The following NEIL3 variants were observed in gnomAD, a reference collection of about 807,000 sequenced individuals.
NEIL3 encodes the protein nei like DNA glycosylase 3, also known as endonuclease 8-like 3.
NEIL3 carries 48 observed loss-of-function variants against 57.5 expected under a neutral mutation model. The observed-to-expected ratio is 0.83, with a 90% CI of 0.66 to 1.06. The LOEUF (loss-of-function observed/expected upper bound fraction) is 1.06. NEIL3 is among the 50% of genes least tolerant of loss of function. The pLI is 0.00. For missense variants in NEIL3, 717 were observed against 739.1 expected (o/e 0.97, Z 0.35); for synonymous variants, 261 against 253.2 (o/e 1.03, Z -0.29).
At chr4:177,333,833 G>A (rs1310748561) in intron 2 of NEIL3, among the ~76,000 whole-genome samples, 1 of 152,000 alleles carries the variant, frequency 6.6e-6, no homozygotes, top group Non-Finnish European at 1.5e-5. Flanking sequence ...TCTAGCTTGG[G>A]ACAGGTGTCC....
At chr4:177,357,808 C>G (rs372578661) in intron 8 of NEIL3, among the ~76,000 whole-genome samples, 1 of 152,174 alleles carries the variant, frequency 6.6e-6, no homozygotes, top group East Asian at 1.9e-4. Context: ...AATACGTTAT[C>G]TGAAAAGGTT....
chr4:177,351,512 T>C lies in NEIL3; in HGVS notation c.1002T>C (p.Ser334=), dbSNP rs148502687. ...GTACTTTAATCAATAAGCCCTCTTC[T>C]AAGGCATGTGATGCTTGCTTGACCT... ...VVCTLINKPS[S]KACDACLTSR... Residue 334 remains serine (S), a synonymous_variant, in exon 7 of 10, where the codon TCT becomes TCC. Coordinates refer to ENST00000264596, the MANE Select transcript of NEIL3 (RefSeq NM_018248.3). 28 of 1,613,748 alleles carry C rather than the reference T, an allele frequency of 1.7e-5. No individual in the cohort carries two copies. Among genetic ancestry groups the C allele is most frequent in the Non-Finnish European group, 4.2e-6 (5 of 1,179,914 alleles).
chr4:177,310,106 G>GC lies in NEIL3; in HGVS notation c.154dup (p.Gln52ProfsTer7). ...CAGCCTCCACGGTTGTGGTCTCCCCGCAGGTGAGCTACTCCTGTAACAGGC... is the reference window on the plus strand; with the variant it reads ...CAGCCTCCACGGTTGTGGTCTCCCCGCCAGGTGAGCTACTCCTGTAACAGGC... On this transcript the variant is annotated frameshift_variant, in exon 1 of 10. Transcript: ENST00000264596. LOFTEE classifies it high-confidence loss of function. The GC allele has an allele frequency of 6.3e-7, 1 of 1,575,850 alleles. No individual in the cohort carries two copies. The highest frequency in any genetic ancestry group is 1.2e-5 in the South Asian group (1 of 86,360).
intron 8 of NEIL3, among the ~76,000 whole-genome samples, chr4:177,357,297 G>T (rs889453409): frequency 6.6e-6 from 1 of 152,092 alleles, no homozygotes; most frequent in Non-Finnish European, 1.5e-5. Context: ...TAGGCTTGTG[G>T]GCTGGACGGC....
rs34331283 is a variant in NEIL3 at position 177,335,915 on chromosome 4, G to C, written c.413+93G>C. On this transcript the variant is annotated intron_variant, in intron 3 of 9. Coordinates refer to ENST00000264596, the MANE Select transcript of NEIL3 (RefSeq NM_018248.3). ...GTAACTAAAGAAACAAATAAATAAAGAGTTTGTAATTGATGAAACCTCATT... is the reference window on the plus strand; with the variant it reads ...GTAACTAAAGAAACAAATAAATAAACAGTTTGTAATTGATGAAACCTCATT... The C allele has an allele frequency of 1.9e-3, 2,366 of 1,265,840 alleles. 50 individuals are homozygous for C. In the African/African-American group the frequency reaches 0.033, roughly 17 times the overall value. The allele number at this position is 1,265,840 out of a possible 1,614,324, so 78.4% of individuals were successfully genotyped here. A position where few individuals can be genotyped will look rare whatever the true frequency, so the allele number is the denominator to read the frequency against.
chr4:177,343,952 T>C (rs1332463639), intron 6 of NEIL3, among the ~76,000 whole-genome samples: 1 of 152,146 alleles, frequency 6.6e-6, no homozygotes, highest in Non-Finnish European at 1.5e-5. Context: ...GTCTACTAAA[T>C]AAATGATTAA....
intron 4 of NEIL3, among the ~76,000 whole-genome samples, chr4:177,337,624 G>T (rs1193973190): frequency 1.3e-5 from 2 of 152,154 alleles, no homozygotes; most frequent in Non-Finnish European, 2.9e-5. Context: ...GATGCACTGA[G>T]AATTTACTTT....
At chr4:177,344,938 G>A (rs552153121) in intron 6 of NEIL3, among the ~76,000 whole-genome samples, 3 of 152,238 alleles carry the variant, frequency 2.0e-5, no homozygotes, top group Admixed American at 1.3e-4. Flanking sequence ...GAAAACAGAG[G>A]AGGTAGTCTT....
At position 177,322,484 on chromosome 4, in the gene NEIL3, G is replaced by A; in HGVS notation, c.182G>A (p.Ser61Asn). ...PQAAALNNDS[S>N]QNVLSLFNGY... is the part of the protein sequence containing the mutation. Reference sequence around the variant, plus strand: ...GCTGCTGCACTGAATAATGATTCCAGCCAGAATGTCTTGAGCCTGTTTAAT... The same window carrying A: ...GCTGCTGCACTGAATAATGATTCCAACCAGAATGTCTTGAGCCTGTTTAAT... The change falls in exon 2 of 10, where the codon AGC becomes AAC. Residue 61 changes from serine (S) to asparagine (N), a missense_variant. Physicochemically the swap from Ser to Asn is conservative, Grantham distance 46. Transcript: ENST00000264596. 6.2e-7 allele frequency: 1 copy of A among 1,613,944 alleles called. No individual in the cohort carries two copies. The highest frequency in any genetic ancestry group is 8.5e-7 in the Non-Finnish European group (1 of 1,179,866).
At position 177,326,202 on chromosome 4, in the gene NEIL3, T is replaced by C. The variant is rs147870162; in HGVS notation, c.278+3622T>C. ...TTAGCTCTTCTGTTTAGGATTATGA[T>C]CTATTTTGAGTTCTTTTTTGTATAT... On this transcript the variant is annotated intron_variant, in intron 2 of 9. Coordinates refer to ENST00000264596, the MANE Select transcript of NEIL3 (RefSeq NM_018248.3). Among the ~76,000 whole-genome samples, 586 of 152,294 alleles carry C rather than the reference T, an allele frequency of 3.8e-3. 4 individuals carry two copies. Among genetic ancestry groups the C allele is most frequent in the African/African-American group, 0.013 (552 of 41,570 alleles).
downstream of NEIL3, among the ~76,000 whole-genome samples, chr4:177,367,476 T>C (rs1248279496): frequency 2.0e-5 from 3 of 152,144 alleles, no homozygotes; most frequent in African/African-American, 7.2e-5. Context: ...TTGCCTGCTG[T>C]TTCTGGAGTT....
rs1734753418 is a variant in NEIL3 at position 177,324,980 on chromosome 4, GATA to G, written c.278+2401_278+2403del. Among the ~76,000 whole-genome samples, 7 of 147,224 alleles carry G rather than the reference GATA, an allele frequency of 4.8e-5. 1 individual carries two copies. In the South Asian group the frequency reaches 1.1e-3, roughly 23 times the overall value. Reference sequence around the variant, plus strand: ...AGATAGATAGATAGATAGATAGATAGATAGATAAGTAAATATATTTTTCCAAGA... The same window carrying G: ...AGATAGATAGATAGATAGATAGATAGGATAAGTAAATATATTTTTCCAAGA... On this transcript the variant is annotated intron_variant, in intron 2 of 9. Coordinates refer to ENST00000264596, the MANE Select transcript of NEIL3 (RefSeq NM_018248.3).
downstream of NEIL3, among the ~76,000 whole-genome samples, chr4:177,365,444 A>G (rs1030003794): frequency 6.6e-6 from 1 of 152,208 alleles, no homozygotes; most frequent in Admixed American, 6.5e-5. Context: ...CAATAATCAT[A>G]CAAATGCACA....
At chr4:177,322,663 A>G in intron 2 of NEIL3, 83 bp downstream of exon 2, 1 of 1,518,950 alleles carries the variant, frequency 6.6e-7, no homozygotes, top group Non-Finnish European at 9.1e-7. Flanking sequence ...CGGGTGTCAC[A>G]TTTAATCATA....
chr4:177,325,711 C>T (rs929838568), intron 2 of NEIL3, among the ~76,000 whole-genome samples: 66 of 152,182 alleles, frequency 4.3e-4, no homozygotes, highest in East Asian at 1.7e-3. Flanking sequence ...GCATCTTTGC[C>T]AGCACCTGGT....
intron 2 of NEIL3, among the ~76,000 whole-genome samples, chr4:177,335,285 A>G (rs1251828878): frequency 6.6e-6 from 1 of 152,210 alleles, no homozygotes; most frequent in East Asian, 1.9e-4. Flanking sequence ...AACACAAACT[A>G]TAGGCAACTT....
At position 177,319,660 on chromosome 4, in the gene NEIL3, C is replaced by T. The variant is rs1734639073; in HGVS notation, c.157-2799C>T. Among the ~76,000 whole-genome samples, 6 of 152,176 alleles carry T rather than the reference C, an allele frequency of 3.9e-5. No homozygotes were observed. The South Asian group carries it at 1.0e-3, about 26-fold the overall frequency. On this transcript the variant is annotated intron_variant, in intron 1 of 9. Transcript: ENST00000264596. ...GTAATGTGTCATTCTTATGCCTTTA[C>T]ATCAGATGTAACTTATAAAACCTAA...
At chr4:177,359,018 T>C (rs1370061851) in intron 8 of NEIL3, among the ~76,000 whole-genome samples, 1 of 152,244 alleles carries the variant, frequency 6.6e-6, no homozygotes, top group East Asian at 1.9e-4. Flanking sequence ...TCTACAACTG[T>C]CCAGATATCT....
chr4:177,344,940 G>A (rs1429909979), intron 6 of NEIL3, among the ~76,000 whole-genome samples: 3 of 152,056 alleles, frequency 2.0e-5, no homozygotes, highest in Non-Finnish European at 2.9e-5. Context: ...AAACAGAGGA[G>A]GTAGTCTTTA....
Sources: allele counts gnomAD v4.1 joint callset (sites outside exome capture counted in the v4.1 genomes callset), GRCh38; gene constraint gnomAD v4.1.1; transcripts MANE v1.5; gene names NCBI Gene and HGNC (gene_info 2026-07-23, HGNC 2026-07-21).